The following FAAH2 variants were observed in gnomAD, a reference collection of about 807,000 sequenced individuals.
FAAH2 encodes fatty-acid amide hydrolase 2.
Under a neutral mutation model 36.9 loss-of-function variants are expected in FAAH2, and 60 were observed. That is an observed-to-expected ratio of 1.63 (90% CI 1.32 to 2.02). The LOEUF (loss-of-function observed/expected upper bound fraction) is 2.02. Among genes scored for constraint, FAAH2 ranks in the 30% most tolerant of loss-of-function variants. The pLI is 0.00. For synonymous variants in FAAH2, 214 were observed against 143.8 expected (o/e 1.49, Z -3.49); for missense variants, 689 against 397.5 (o/e 1.73, Z -6.23).
intron 2 of FAAH2, among the ~76,000 whole-genome samples, chrX:57,305,974 T>A (rs2052511493): frequency 8.9e-6 from 1 of 112,142 alleles, no homozygotes; most frequent in Non-Finnish European, 1.9e-5. Flanking sequence ...TTGCCTTGGA[T>A]GAGGCTCACA....
At chrX:57,273,280 A>G in the FAAH2 span, among the ~76,000 whole-genome samples, 1 of 111,436 alleles carries the variant, frequency 9.0e-6, no homozygotes, top group African/African-American at 3.3e-5. Flanking sequence ...TTAGAGACCT[A>G]GAAAGACTTA....
the FAAH2 span, among the ~76,000 whole-genome samples, chrX:57,265,301 G>A: frequency 9.0e-6 from 1 of 111,619 alleles, no homozygotes; most frequent in Non-Finnish European, 1.9e-5. Flanking sequence ...ATACCCCTAA[G>A]AAAGAAGTTG....
At chrX:57,424,995 T>G (rs2056124979) in intron 7 of FAAH2, among the ~76,000 whole-genome samples, 1 of 109,635 alleles carries the variant, frequency 9.1e-6, no homozygotes, top group South Asian at 3.8e-4. Flanking sequence ...AAAAATCAAT[T>G]AAGGATATAA....
At chrX:57,448,434 C>A in intron 9 of FAAH2, 90 bp from the exon 10 acceptor site, 2 of 828,011 alleles carry the variant, frequency 2.4e-6, no homozygotes, top group East Asian at 3.4e-5. Context: ...CTATAATGAA[C>A]ATGTATTACT....
chrX:57,449,257 A>G (rs1052183436), intron 10 of FAAH2, among the ~76,000 whole-genome samples: 3 of 112,107 alleles, frequency 2.7e-5, no homozygotes, highest in Non-Finnish European at 3.8e-5. Flanking sequence ...GTACTAGGTC[A>G]GTTTCTATGG....
intron 7 of FAAH2, among the ~76,000 whole-genome samples, chrX:57,384,565 C>A (rs1180871894): frequency 9.0e-6 from 1 of 111,401 alleles, no homozygotes; most frequent in African/African-American, 3.2e-5. Context: ...CCAAAAGACA[C>A]ATGAAAAAAT....
At chrX:57,429,007 T>A (rs1367169302) in intron 7 of FAAH2, among the ~76,000 whole-genome samples, 1 of 111,394 alleles carries the variant, frequency 9.0e-6, no homozygotes, top group Non-Finnish European at 1.9e-5. Context: ...ATAACTAGGT[T>A]CCACAAAGAA....
the FAAH2 span, among the ~76,000 whole-genome samples, chrX:57,178,140 G>A: frequency 9.0e-6 from 1 of 111,388 alleles, no homozygotes; most frequent in Non-Finnish European, 1.9e-5. Context: ...CGGCCCTGAT[G>A]GGGGTGGGAA....
At chrX:57,402,203 C>T (rs982272356) in intron 7 of FAAH2, among the ~76,000 whole-genome samples, 3 of 112,107 alleles carry the variant, frequency 2.7e-5, no homozygotes, top group Non-Finnish European at 5.6e-5. Flanking sequence ...ACTCAGAGGA[C>T]CTTCGTCCCC....
intron 5 of FAAH2, among the ~76,000 whole-genome samples, chrX:57,357,095 A>G (rs1489413816): frequency 9.0e-6 from 1 of 111,421 alleles, no homozygotes; most frequent in Non-Finnish European, 1.9e-5. Context: ...CAGATTTCCT[A>G]TTTAATAAAT....
chrX:57,462,187 A>AAAAT (rs77221934), intron 10 of FAAH2, among the ~76,000 whole-genome samples: 4 of 96,575 alleles, frequency 4.1e-5, no homozygotes, highest in Non-Finnish European at 8.3e-5. Flanking sequence ...AAAAAAAAAA[A>AAAAT]CCCAGGACCA....
At chrX:57,252,015 C>A in the FAAH2 span, among the ~76,000 whole-genome samples, 1 of 112,549 alleles carries the variant, frequency 8.9e-6, no homozygotes, top group Non-Finnish European at 1.9e-5. Flanking sequence ...GTGCTTTTCC[C>A]ATGGTCTTCA....
intron 5 of FAAH2, among the ~76,000 whole-genome samples, chrX:57,349,663 C>T (rs1198797362): frequency 9.4e-6 from 1 of 106,366 alleles, no homozygotes; most frequent in African/African-American, 3.4e-5. Context: ...AGAAGAAAAA[C>T]ACTTACAACT....
At chrX:57,363,109 T>C (rs1278104164) in intron 5 of FAAH2, among the ~76,000 whole-genome samples, 1 of 112,161 alleles carries the variant, frequency 8.9e-6, no homozygotes, top group East Asian at 2.8e-4. Context: ...AATTCTGCAA[T>C]AACTCACATT....
At chrX:57,237,100 T>C in the FAAH2 span, among the ~76,000 whole-genome samples, 1 of 111,967 alleles carries the variant, frequency 8.9e-6, no homozygotes, top group African/African-American at 3.2e-5. Context: ...CAGCACCATA[T>C]ATTGAAGAGA....
At chrX:57,410,324 A>G (rs1396567925) in intron 7 of FAAH2, among the ~76,000 whole-genome samples, 1 of 111,316 alleles carries the variant, frequency 9.0e-6, no homozygotes, top group African/African-American at 3.3e-5. Context: ...CTTGAGAAGA[A>G]TGTGTGTTCT....
At chrX:57,415,168 C>CA (rs1164932078) in intron 7 of FAAH2, among the ~76,000 whole-genome samples, 101 of 106,091 alleles carry the variant, frequency 9.5e-4, no homozygotes, top group Middle Eastern at 4.9e-3. Context: ...TAGATCTGTA[C>CA]AAAAAAAAAC....
At chrX:57,393,325 G>T in intron 7 of FAAH2, 1 of 871,051 alleles carries the variant, frequency 1.1e-6, no homozygotes, top group South Asian at 2.0e-5. Context: ...GGCCACCCCT[G>T]TGCATCTTTA....
At chrX:57,274,668 C>T in the FAAH2 span, among the ~76,000 whole-genome samples, 1 of 111,669 alleles carries the variant, frequency 9.0e-6, no homozygotes, top group East Asian at 2.8e-4. Context: ...ATGATTATCT[C>T]AATAGACACA....
Sources: gnomAD v4.1 joint callset for allele counts (sites outside exome capture counted in the v4.1 genomes callset) on GRCh38, gnomAD v4.1.1 for gene constraint, MANE v1.5 for transcripts, NCBI Gene and HGNC (gene_info 2026-07-23, HGNC 2026-07-21) for gene names.